ROBO1: variants seen among roughly 807,000 people sequenced by gnomAD.
ROBO1 encodes roundabout guidance receptor 1.
In ROBO1, 149 loss-of-function variants were observed where a neutral mutation model predicts 195.9. The ratio of observed to expected loss-of-function variants is 0.76; its 90% CI spans 0.67 to 0.87. The LOEUF is 0.87. Ranked by LOEUF, ROBO1 falls within the 40% of genes least tolerant of loss-of-function variation. The pLI, the probability that ROBO1 is intolerant of heterozygous loss-of-function variation, is 0.00. For synonymous variants in ROBO1, 816 were observed against 733.2 expected (o/e 1.11, Z -1.82); for missense variants, 1,933 against 2,068.3 (o/e 0.93, Z 1.27).
intron 1 of ROBO1, among the ~76,000 whole-genome samples, chr3:79,752,581 T>TTATGG (rs1704177492): frequency 1.3e-5 from 2 of 152,222 alleles, no homozygotes; most frequent in Admixed American, 1.3e-4. Flanking sequence ...GTCTCACAAA[T>TTATGG]TATGGTAATT....
chr3:78,879,455 A>G (rs1039464125), intron 4 of ROBO1, among the ~76,000 whole-genome samples: 5 of 152,146 alleles, frequency 3.3e-5, no homozygotes, highest in African/African-American at 9.7e-5. Flanking sequence ...AGGCAAATAT[A>G]AGCAAAACTG....
chr3:78,618,075 C>T, intron 26 of ROBO1, 34 bp from the exon 27 acceptor site: 1 of 1,552,518 alleles, frequency 6.4e-7, no homozygotes, highest in Non-Finnish European at 8.7e-7. Context: ...TCTGGCTCAG[C>T]TTGTTATTTA....
At chr3:78,658,268 C>G (rs1707163679) in intron 17 of ROBO1, among the ~76,000 whole-genome samples, 1 of 152,134 alleles carries the variant, frequency 6.6e-6, no homozygotes, top group South Asian at 2.1e-4. Context: ...AGAAAATGAT[C>G]TATAGAAAAA....
intron 3 of ROBO1, among the ~76,000 whole-genome samples, chr3:78,942,651 T>C (rs535801506): frequency 6.6e-6 from 1 of 152,286 alleles, no homozygotes. Context: ...AAGCTGTCAA[T>C]TGTATATCCT....
chr3:79,568,298 T>C (rs937025265), intron 2 of ROBO1, among the ~76,000 whole-genome samples: 1 of 152,092 alleles, frequency 6.6e-6, no homozygotes, highest in African/African-American at 2.4e-5. Flanking sequence ...AGAGTACCCT[T>C]ATAAAGGGGC....
chr3:78,661,846 A>G, intron 15 of ROBO1, 147 bp downstream of exon 15: 1 of 990,084 alleles, frequency 1.0e-6, no homozygotes, highest in Non-Finnish European at 1.4e-6. Context: ...TGTTTAAACC[A>G]AACTAATAGC....
rs1427189427 is a variant in ROBO1 at position 78,661,240 on chromosome 3, T to C, written c.2110A>G (p.Ile704Val). ...CGATAGAGAATTTTATATCCTTGTATATACTGAGACTGTTGATCTACCTAT... is the reference window on the plus strand; with the variant it reads ...CGATAGAGAATTTTATATCCTTGTACATACTGAGACTGTTGATCTACCTAT... The part of the protein sequence containing the change: ...HWTVDQQSQY[I>V]QGYKILYRPS... Residue 704 changes from isoleucine (I) to valine (V), a missense_variant, in exon 16 of 31, where the codon ATA (isoleucine) becomes GTA (valine). Around this residue, in one of 3 missense-constraint regions of ROBO1, gnomAD observed 1,737 missense variants for 1,882.5 expected, o/e 0.92. Coordinates refer to ENST00000464233, the MANE Select transcript of ROBO1 (RefSeq NM_002941.4). The C allele has an allele frequency of 6.3e-7, 1 of 1,599,706 alleles. No homozygotes were observed. The highest frequency in any genetic ancestry group is 1.1e-5 in the South Asian group (1 of 88,976).
chr3:79,535,051 G>T (rs1308192718), intron 2 of ROBO1, among the ~76,000 whole-genome samples: 1 of 147,378 alleles, frequency 6.8e-6, no homozygotes, highest in Non-Finnish European at 1.5e-5. Flanking sequence ...AAAACAATTT[G>T]TAGGACTAAT....
chr3:79,211,407 A>G (rs2081963473), intron 2 of ROBO1, among the ~76,000 whole-genome samples: 1 of 152,162 alleles, frequency 6.6e-6, no homozygotes, highest in Non-Finnish European at 1.5e-5. Context: ...CATGTTCTCC[A>G]TAGGTAAGCA....
At chr3:79,571,551 AAACATGAAAAT>A (rs1943279522) in intron 2 of ROBO1, among the ~76,000 whole-genome samples, 1 of 152,124 alleles carries the variant, frequency 6.6e-6, no homozygotes, top group Non-Finnish European at 1.5e-5. Flanking sequence ...ACTTATCTAA[AAACATGAAAAT>A]AAAGACAACA....
intron 1 of ROBO1, among the ~76,000 whole-genome samples, chr3:79,700,317 TTGTGTG>T (rs71130610): frequency 6.2e-5 from 9 of 144,146 alleles, no homozygotes; most frequent in Admixed American, 1.4e-4. Flanking sequence ...GTGTGTGTGT[TTGTGTG>T]TGTGTGTGTG....
intron 1 of ROBO1, among the ~76,000 whole-genome samples, chr3:79,685,219 C>T (rs1055335466): frequency 1.3e-5 from 2 of 152,094 alleles, no homozygotes; most frequent in African/African-American, 2.4e-5. Flanking sequence ...GTAAATCTAC[C>T]AGCCTTTTCT....
chr3:79,366,885 T>C (rs936958535), intron 2 of ROBO1, among the ~76,000 whole-genome samples: 4 of 105,792 alleles, frequency 3.8e-5, no homozygotes, highest in African/African-American at 1.5e-4. Flanking sequence ...ATTAAGGATG[T>C]CTTAGAAACA....
chr3:79,550,423 C>T (rs1163154384), intron 2 of ROBO1, among the ~76,000 whole-genome samples: 1 of 152,246 alleles, frequency 6.6e-6, no homozygotes, highest in Non-Finnish European at 1.5e-5. Context: ...ACAGAGAATT[C>T]TCTCAAAATC....
chr3:79,370,181 C>T (rs1233042856), intron 2 of ROBO1, among the ~76,000 whole-genome samples: 1 of 151,152 alleles, frequency 6.6e-6, no homozygotes, highest in African/African-American at 2.4e-5. Context: ...ATGGTGAAAC[C>T]TCGTCTCTAT....
chr3:79,437,922 T>G (rs2038938747), intron 2 of ROBO1, among the ~76,000 whole-genome samples: 1 of 151,982 alleles, frequency 6.6e-6, no homozygotes, highest in African/African-American at 2.4e-5. Flanking sequence ...GTTCTGACCT[T>G]TATGGAAAAC....
intron 1 of ROBO1, among the ~76,000 whole-genome samples, chr3:79,702,423 G>T (rs937821898): frequency 1.3e-5 from 2 of 151,844 alleles, no homozygotes; most frequent in Non-Finnish European, 2.9e-5. Flanking sequence ...ATAACTCATT[G>T]TCTCTTCTTT....
chr3:79,094,143 G>C (rs77280642), intron 3 of ROBO1, among the ~76,000 whole-genome samples: 2 of 151,990 alleles, frequency 1.3e-5, no homozygotes, highest in African/African-American at 4.8e-5. Context: ...CCAAGATTAC[G>C]TAAGTAAGAA....
intron 2 of ROBO1, among the ~76,000 whole-genome samples, chr3:79,424,612 T>C (rs775046239): frequency 1.3e-5 from 2 of 152,120 alleles, no homozygotes; most frequent in Non-Finnish European, 1.5e-5. Flanking sequence ...GAGCTTACAC[T>C]GTCATTCTTC....
Sources: allele counts gnomAD v4.1 joint callset (sites outside exome capture counted in the v4.1 genomes callset), GRCh38; gene constraint gnomAD v4.1.1; regional missense constraint gnomAD v4.1.1; transcripts MANE v1.5; gene names NCBI Gene and HGNC (gene_info 2026-07-23, HGNC 2026-07-21).